The following FNDC1 variants were observed in gnomAD, a reference collection of about 807,000 sequenced individuals.
FNDC1 encodes the protein fibronectin type III domain containing 1, also known as fibronectin type III domain-containing protein 1.
In FNDC1, 96 loss-of-function variants were observed where a neutral mutation model predicts 168.0. The ratio of observed to expected loss-of-function variants is 0.57; its 90% CI spans 0.48 to 0.68. The LOEUF (loss-of-function observed/expected upper bound fraction) is 0.68, where lower values mean the gene tolerates loss of function less well. Ranked by LOEUF, FNDC1 falls within the 30% of genes least tolerant of loss-of-function variation. The pLI, the probability that FNDC1 is intolerant of heterozygous loss-of-function variation, is 0.00. For missense variants in FNDC1, 2,587 were observed against 2,482.1 expected (o/e 1.04, Z -0.90); for synonymous variants, 1,099 against 1,025.9 (o/e 1.07, Z -1.36).
At position 159,231,891 on chromosome 6, in the gene FNDC1, C is replaced by A. The variant is rs773772923; in HGVS notation, c.1379C>A (p.Ala460Glu). Residue 460 changes from alanine to glutamate, a missense_variant, in exon 11 of 23, where the codon GCG becomes GAG. Ala to Glu is a moderately radical substitution (Grantham distance 107, BLOSUM62 -1). Coordinates refer to ENST00000297267, the MANE Select transcript of FNDC1 (RefSeq NM_032532.3). The part of the protein sequence containing the change: ...FIVAMPTTSK[A>E]DVEQNTEDNG... ...TTAAAATCTGTTGCAGCCAGTAAGG[C>A]GGATGTTGAGCAGAACACGGAGGAC... 5.6e-6 allele frequency: 9 copies of A among 1,594,860 alleles called. No homozygotes were observed. Among genetic ancestry groups the A allele is most frequent in the Non-Finnish European group, 7.7e-6 (9 of 1,174,296 alleles).
At chr6:159,250,916 A>AG (rs1166972836) in intron 16 of FNDC1, among the ~76,000 whole-genome samples, 1 of 152,200 alleles carries the variant, frequency 6.6e-6, no homozygotes, top group African/African-American at 2.4e-5. Context: ...CAAGGAAATG[A>AG]ACTGTGTTGA....
intron 4 of FNDC1, among the ~76,000 whole-genome samples, chr6:159,211,223 G>C (rs1782599906): frequency 6.6e-6 from 1 of 152,142 alleles, no homozygotes; most frequent in South Asian, 2.1e-4. Context: ...TGAAGTTGGT[G>C]GTCAGCGCAG....
intron 18 of FNDC1, 45 bp from the exon 19 acceptor site, chr6:159,261,145 A>G: frequency 6.7e-7 from 1 of 1,482,600 alleles, no homozygotes; most frequent in South Asian, 1.2e-5. Flanking sequence ...TTACACAGAA[A>G]TCAAATACAT....
chr6:159,258,494 G>C (rs1777418495), intron 18 of FNDC1, among the ~76,000 whole-genome samples: 1 of 152,190 alleles, frequency 6.6e-6, no homozygotes, highest in Non-Finnish European at 1.5e-5. Flanking sequence ...GCTCCCAGCA[G>C]AGAGGATGTC....
intron 6 of FNDC1, among the ~76,000 whole-genome samples, chr6:159,221,942 C>T (rs915729285): frequency 3.3e-5 from 5 of 152,144 alleles, no homozygotes; most frequent in African/African-American, 1.2e-4. Context: ...AGATTTGCTG[C>T]GATAGGAGCA....
intron 20 of FNDC1, among the ~76,000 whole-genome samples, chr6:159,265,462 C>A (rs1777571123): frequency 6.6e-6 from 1 of 152,128 alleles, no homozygotes; most frequent in East Asian, 1.9e-4. Flanking sequence ...CCCAAAAGAC[C>A]AAATCTGCCA....
At position 159,233,771 on chromosome 6, in the gene FNDC1, G is replaced by A; in HGVS notation, c.3259G>A (p.Glu1087Lys). The change falls in exon 11 of 23, where the codon GAG (glutamate) becomes AAG (lysine). Residue 1087 changes from glutamate (E) to lysine (K), a missense_variant. Physicochemically the swap from Glu to Lys is moderately conservative, Grantham distance 56 (BLOSUM62 1). Coordinates refer to ENST00000297267, the MANE Select transcript of FNDC1 (RefSeq NM_032532.3). The surrounding 1 kb of genome is among the most constrained non-coding windows in gnomAD (Gnocchi z 4.6). ...GSYDDDSTEV[E>K]AQDVRAPAHA... is the part of the protein sequence containing the mutation. ...CTACGACGACGACAGCACAGAAGTC[G>A]AGGCCCAGGATGTGCGGGCCCCCGC... 6.5e-7 allele frequency: 1 copy of A among 1,543,560 alleles called. No individual in the cohort carries two copies. Among genetic ancestry groups the A allele is most frequent in the Non-Finnish European group, 8.7e-7 (1 of 1,143,620 alleles).
chr6:159,233,093 G>A lies in FNDC1; in HGVS notation c.2581G>A (p.Val861Ile). ...TGTGCCCTCCCGAGCCCACCCCAGG[G>A]TTCCCTCTCACTCTGATTCCCACCC... ...STVPSRAHPRVPSHSDSHPKL... is the reference protein window; with the variant it reads ...STVPSRAHPRIPSHSDSHPKL... Residue 861 changes from valine (V) to isoleucine (I), a missense_variant, in exon 11 of 23, where the codon GTT becomes ATT. By Grantham distance (29) the Val-to-Ile change is conservative. Transcript: ENST00000297267. The surrounding 1 kb of genome is among the most constrained non-coding windows in gnomAD (Gnocchi z 4.6). 1.2e-6 allele frequency: 2 copies of A among 1,603,644 alleles called. No individual in the cohort carries two copies. The highest frequency in any genetic ancestry group is 1.7e-6 in the Non-Finnish European group (2 of 1,175,280).
chr6:159,228,630 T>A lies in FNDC1; in HGVS notation c.1181-1185T>A, dbSNP rs562456625. On this transcript the variant is annotated intron_variant, in intron 9 of 22. Transcript: ENST00000297267. Reference sequence around the variant, plus strand: ...TCCATGCTCCTGATAATTCTTGAATTTTCTGTGATTAAAGTTATTTTTCTT... The same window carrying A: ...TCCATGCTCCTGATAATTCTTGAATATTCTGTGATTAAAGTTATTTTTCTT... Among the ~76,000 whole-genome samples the A allele has an allele frequency of 2.6e-5, 4 of 152,230 alleles. No homozygotes were observed. The South Asian group carries it at 8.3e-4, about 32-fold the overall frequency.
chr6:159,253,702 A>G (rs926695119), intron 17 of FNDC1, among the ~76,000 whole-genome samples: 1 of 152,226 alleles, frequency 6.6e-6, no homozygotes, highest in Non-Finnish European at 1.5e-5. Context: ...AGTCACTTTC[A>G]GGACTGGTTT....
chr6:159,173,195 A>T (rs1228498720), intron 1 of FNDC1, among the ~76,000 whole-genome samples: 1 of 152,244 alleles, frequency 6.6e-6, no homozygotes, highest in Non-Finnish European at 1.5e-5. Context: ...ACTGGTATAT[A>T]CGGAGGGAAG....
intron 18 of FNDC1, among the ~76,000 whole-genome samples, chr6:159,260,188 T>G (rs746164126): frequency 7.2e-5 from 11 of 152,188 alleles, no homozygotes; most frequent in Admixed American, 2.0e-4. Flanking sequence ...ATTCTTTACC[T>G]CTCTCTTCAT....
rs1379614030 is a variant in FNDC1, at chr6:159,266,277, G to T, written c.5446+32G>T. On this transcript the variant is annotated intron_variant, in intron 21 of 22. Coordinates refer to ENST00000297267, the MANE Select transcript of FNDC1 (RefSeq NM_032532.3). ...CTTTGTGCATGGTTGGCTATGGGAG[G>T]TATGGAACATTTTGATTTATCAAGT... is the stretch of plus-strand genomic sequence containing the variant. 1.9e-6 allele frequency: 3 copies of T among 1,610,004 alleles called. No homozygotes were observed. The African/African-American group carries it at 4.0e-5, about 22-fold the overall frequency.
At chr6:159,205,668 T>C (rs1404687858) in intron 4 of FNDC1, among the ~76,000 whole-genome samples, 14 of 152,188 alleles carry the variant, frequency 9.2e-5, no homozygotes, top group Admixed American at 9.2e-4. Context: ...CCAAATTTCT[T>C]TCTAAGGTTC....
rs914769949 is a variant in FNDC1 at position 159,263,698 on chromosome 6, C to T, written c.5255-1277C>T. On this transcript the variant is annotated intron_variant, in intron 19 of 22. Coordinates refer to ENST00000297267, the MANE Select transcript of FNDC1 (RefSeq NM_032532.3). ...AATGGCGTGAAGCTGGGAGACGGAG[C>T]TTGCAGTGAGCCAAGATTGTGCCAC... 2.6e-5 allele frequency among the ~76,000 whole-genome samples: 4 copies of T among 152,098 alleles called. No individual in the cohort carries two copies. The South Asian group carries it at 6.2e-4, about 24-fold the overall frequency.
At chr6:159,248,609 A>AG (rs1055644732) in intron 15 of FNDC1, among the ~76,000 whole-genome samples, 2 of 152,130 alleles carry the variant, frequency 1.3e-5, no homozygotes, top group African/African-American at 4.8e-5. Context: ...TGGCCAAAAA[A>AG]AAATTTTTAA....
intron 19 of FNDC1, among the ~76,000 whole-genome samples, chr6:159,262,236 G>GC (rs1327159049): frequency 6.6e-6 from 1 of 152,190 alleles, no homozygotes; most frequent in East Asian, 1.9e-4. Context: ...AGCTGAGCCA[G>GC]CCCTGCACCC....
chr6:159,197,917 C>T (rs1228380968), intron 2 of FNDC1, among the ~76,000 whole-genome samples: 1 of 152,192 alleles, frequency 6.6e-6, no homozygotes, highest in African/African-American at 2.4e-5. Flanking sequence ...GTAGATTGAT[C>T]CTTTTTTGCT....
chr6:159,191,612 GCAAT>G (rs1665893994), intron 1 of FNDC1, among the ~76,000 whole-genome samples: 2 of 152,256 alleles, frequency 1.3e-5, no homozygotes, highest in African/African-American at 4.8e-5. Context: ...CTGTTTCAGT[GCAAT>G]CACAGAATTA....
Sources: allele counts gnomAD v4.1 joint callset (sites outside exome capture counted in the v4.1 genomes callset), GRCh38; gene constraint gnomAD v4.1.1; non-coding constraint Gnocchi (gnomAD v3.1); transcripts MANE v1.5; gene names NCBI Gene and HGNC (gene_info 2026-07-23, HGNC 2026-07-21).